HERC4: variants seen among roughly 807,000 people sequenced by gnomAD.
HERC4 encodes probable E3 ubiquitin-protein ligase HERC4.
A neutral mutation model predicts 124.3 loss-of-function variants in HERC4; 28 were observed. The observed-to-expected ratio is 0.23, with a 90% confidence interval of 0.17 to 0.31. The LOEUF (loss-of-function observed/expected upper bound fraction) is 0.31. HERC4 is among the 10% of genes least tolerant of loss of function. HERC4 has a pLI of 1.00. For synonymous variants in HERC4, 407 were observed against 421.5 expected (o/e 0.97, Z 0.42); for missense variants, 713 against 1,229.3 (o/e 0.58, Z 6.28).
At chr10:67,958,215 ATT>A (rs2034271725) in intron 16 of HERC4, among the ~76,000 whole-genome samples, 1 of 152,104 alleles carries the variant, frequency 6.6e-6, no homozygotes, top group South Asian at 2.1e-4. Flanking sequence ...CTCTCCCTAA[ATT>A]GTATTTTATT....
At chr10:68,042,181 G>A (rs944867725) in intron 4 of HERC4, among the ~76,000 whole-genome samples, 1 of 152,110 alleles carries the variant, frequency 6.6e-6, no homozygotes, top group African/African-American at 2.4e-5. Flanking sequence ...CTAATTTTTT[G>A]TATTTTTAGA....
intron 4 of HERC4, among the ~76,000 whole-genome samples, chr10:68,039,111 A>C (rs1381239737): frequency 6.6e-6 from 1 of 150,676 alleles, no homozygotes; most frequent in Non-Finnish European, 1.5e-5. Context: ...GTTTGAGACC[A>C]GACTGGCCAA....
chr10:68,034,645 C>T (rs1417729298), intron 5 of HERC4, among the ~76,000 whole-genome samples: 1 of 152,184 alleles, frequency 6.6e-6, no homozygotes, highest in African/African-American at 2.4e-5. Flanking sequence ...TTACCTGACA[C>T]TATACTTGGA....
At chr10:67,928,015 G>A (rs754445247) in intron 23 of HERC4, among the ~76,000 whole-genome samples, 1 of 152,144 alleles carries the variant, frequency 6.6e-6, no homozygotes, top group Non-Finnish European at 1.5e-5. Flanking sequence ...ATCCAGGGAA[G>A]GTCTCTGAGA....
At chr10:68,008,611 T>C (rs2037735204) in intron 9 of HERC4, among the ~76,000 whole-genome samples, 1 of 152,256 alleles carries the variant, frequency 6.6e-6, no homozygotes, top group East Asian at 1.9e-4. Context: ...TTTTAAATAT[T>C]TTTAATAAGC....
chr10:68,062,071 C>A (rs1484016025), intron 3 of HERC4, among the ~76,000 whole-genome samples: 5 of 151,998 alleles, frequency 3.3e-5, no homozygotes, highest in Admixed American at 3.3e-4. Context: ...CAGGTTAGAA[C>A]TGGGAGAAGT....
At chr10:68,063,783 C>CA (rs1465301046) in intron 3 of HERC4, among the ~76,000 whole-genome samples, 1 of 151,418 alleles carries the variant, frequency 6.6e-6, no homozygotes, top group Admixed American at 6.6e-5. Context: ...ACTAAAAATA[C>CA]AAAAAATTAG....
intron 3 of HERC4, among the ~76,000 whole-genome samples, chr10:68,061,857 G>A (rs991197436): frequency 9.1e-5 from 12 of 131,328 alleles, no homozygotes; most frequent in African/African-American, 3.5e-4. Context: ...CTCCAGCCTG[G>A]GTGACAGAGC....
intron 19 of HERC4, among the ~76,000 whole-genome samples, chr10:67,952,856 C>T (rs1008609655): frequency 6.6e-6 from 1 of 151,028 alleles, no homozygotes; most frequent in Admixed American, 6.6e-5. Flanking sequence ...GCCGAGAGTG[C>T]GCCACTGTAC....
At chr10:67,939,700 A>T (rs2032703189) in intron 20 of HERC4, 46 bp from the exon 21 acceptor site, 1 of 1,081,412 alleles carries the variant, frequency 9.2e-7, no homozygotes, top group Non-Finnish European at 1.4e-6. Context: ...ATTATTGGAT[A>T]TTTTGACTAT....
intron 3 of HERC4, chr10:68,068,486 CAAAAAAAA>C (rs34779824): frequency 0.017 from 1,244 of 71,118 alleles, 12 homozygotes; most frequent in African/African-American, 0.055. Context: ...GACTCCGTTT[CAAAAAAAA>C]AAAAAAAAAA....
At chr10:67,996,589 A>C (rs1161329399) in intron 9 of HERC4, among the ~76,000 whole-genome samples, 1 of 152,310 alleles carries the variant, frequency 6.6e-6, no homozygotes, top group East Asian at 1.9e-4. Context: ...AACGTATTAG[A>C]ACTTAAAATT....
chr10:68,051,750 C>T (rs1589427041), intron 3 of HERC4, among the ~76,000 whole-genome samples: 1 of 147,740 alleles, frequency 6.8e-6, no homozygotes. Flanking sequence ...AGTGCAGTGG[C>T]GTGATCTCGG....
chr10:68,060,490 C>T (rs12413999), intron 3 of HERC4, among the ~76,000 whole-genome samples: 8,645 of 152,180 alleles, frequency 0.057, 680 homozygotes, highest in East Asian at 0.31. Context: ...CCACCCGCCT[C>T]GACCTCCCAA....
chr10:68,019,521 G>T (rs2038481989), intron 8 of HERC4, among the ~76,000 whole-genome samples: 1 of 152,052 alleles, frequency 6.6e-6, no homozygotes, highest in East Asian at 1.9e-4. Flanking sequence ...GCTAGACAGG[G>T]GGATTCTTGG....
intron 8 of HERC4, 39 bp from the exon 9 acceptor site, chr10:68,014,225 C>T: frequency 6.8e-7 from 1 of 1,462,104 alleles, no homozygotes; most frequent in Non-Finnish European, 9.1e-7. Context: ...CTTAATGTTA[C>T]CTTCCAACAA....
chr10:68,005,767 A>C (rs2037508390), intron 9 of HERC4, among the ~76,000 whole-genome samples: 1 of 152,030 alleles, frequency 6.6e-6, no homozygotes, highest in African/African-American at 2.4e-5. Context: ...GCAGTGGCAC[A>C]ATCATGGCTC....
intron 15 of HERC4, among the ~76,000 whole-genome samples, chr10:67,983,576 G>A (rs776403228): frequency 5.9e-5 from 9 of 151,896 alleles, no homozygotes; most frequent in Non-Finnish European, 1.0e-4. Context: ...TCAGGAGATA[G>A]AGACCATCCT....
At chr10:67,969,872 C>T (rs2132487708) in intron 15 of HERC4, among the ~76,000 whole-genome samples, 1 of 152,238 alleles carries the variant, frequency 6.6e-6, no homozygotes, top group Admixed American at 6.5e-5. Context: ...ACCACAACAA[C>T]CAAGAACCAT....
Sources: gnomAD v4.1 joint callset for allele counts (sites outside exome capture counted in the v4.1 genomes callset) on GRCh38, gnomAD v4.1.1 for gene constraint, MANE v1.5 for transcripts, NCBI Gene and HGNC (gene_info 2026-07-23, HGNC 2026-07-21) for gene names.